DOCK3: variants seen among roughly 807,000 people sequenced by gnomAD.
DOCK3 encodes dedicator of cytokinesis 3.
DOCK3 carries 60 observed loss-of-function variants against 265.6 expected under a neutral mutation model. That is an observed-to-expected ratio of 0.23 (90% CI 0.18 to 0.28). The LOEUF (loss-of-function observed/expected upper bound fraction) is 0.28, where lower values mean the gene tolerates loss of function less well. Among genes scored for constraint, DOCK3 ranks in the 10% least tolerant of loss-of-function variants. DOCK3 has a pLI of 1.00. For missense variants in DOCK3, 1,981 were observed against 2,594.3 expected (o/e 0.76, Z 5.14); for synonymous variants, 881 against 938.0 (o/e 0.94, Z 1.11).
intron 13 of DOCK3, among the ~76,000 whole-genome samples, chr3:51,209,232 T>C (rs112256627): frequency 6.6e-6 from 1 of 152,228 alleles, no homozygotes; most frequent in Non-Finnish European, 1.5e-5. Flanking sequence ...GATATCTATA[T>C]AGATATAGAC....
intron 14 of DOCK3, among the ~76,000 whole-genome samples, chr3:51,222,128 T>C (rs1033675098): frequency 3.9e-5 from 6 of 152,232 alleles, no homozygotes; most frequent in Admixed American, 3.3e-4. Flanking sequence ...ATCCAGGCAC[T>C]GGTATGCAAA....
chr3:50,675,633 A>T lies in DOCK3; in HGVS notation c.37+333A>T, dbSNP rs1005052847. On this transcript the variant is annotated intron_variant, in intron 1 of 52. Transcript: ENST00000266037. The surrounding 1 kb of genome is among the most constrained non-coding windows in gnomAD (Gnocchi z 6.1). ...ACCCGATAAACCAAATTCTGGGAAT[A>T]TGTTTTCTCCCCTCCAAAAGCTCGA... 6.6e-6 allele frequency among the ~76,000 whole-genome samples: 1 copy of T among 152,182 alleles called. No individual in the cohort carries two copies. The highest frequency in any genetic ancestry group is 1.5e-5 in the Non-Finnish European group (1 of 68,024).
chr3:51,236,736 C>A (rs1042217567), intron 20 of DOCK3, among the ~76,000 whole-genome samples: 1 of 152,078 alleles, frequency 6.6e-6, no homozygotes, highest in African/African-American at 2.4e-5. Flanking sequence ...GAGAGTAATA[C>A]AAGAAATCAG....
chr3:50,886,456 G>A (rs2048344326), intron 3 of DOCK3, among the ~76,000 whole-genome samples: 1 of 151,492 alleles, frequency 6.6e-6, no homozygotes, highest in African/African-American at 2.4e-5. Context: ...TGTGCACAAT[G>A]TGCAGGTTAG....
At chr3:50,939,952 G>C (rs569735656) in intron 5 of DOCK3, among the ~76,000 whole-genome samples, 10 of 152,208 alleles carry the variant, frequency 6.6e-5, no homozygotes, top group Non-Finnish European at 1.3e-4. Context: ...CTGCATAGGA[G>C]ATCTCAAGGA....
At chr3:50,720,267 T>C (rs992156918) in intron 1 of DOCK3, among the ~76,000 whole-genome samples, 5 of 152,138 alleles carry the variant, frequency 3.3e-5, no homozygotes, top group Admixed American at 6.6e-5. Context: ...CAATAGGTTG[T>C]TTTCTATTTT....
intron 5 of DOCK3, among the ~76,000 whole-genome samples, chr3:51,007,096 A>G (rs1023904991): frequency 2.6e-5 from 4 of 152,286 alleles, no homozygotes; most frequent in South Asian, 2.1e-4. Flanking sequence ...GTGTGCATGT[A>G]TCTTTATAGT....
chr3:51,325,775 A>C (rs1278883260), intron 32 of DOCK3, among the ~76,000 whole-genome samples: 1 of 152,212 alleles, frequency 6.6e-6, no homozygotes, highest in Non-Finnish European at 1.5e-5. Flanking sequence ...ACATGTATGA[A>C]GCTGGAAACC....
At chr3:50,846,711 G>A (rs2085586) in intron 3 of DOCK3, among the ~76,000 whole-genome samples, 15,085 of 152,074 alleles carry the variant, frequency 0.099, 928 homozygotes, top group Non-Finnish European at 0.13. Context: ...CAGGGTTTCA[G>A]TTTCTTCCTG....
At chr3:51,038,741 C>A (rs1234809395) in intron 5 of DOCK3, among the ~76,000 whole-genome samples, 1 of 152,128 alleles carries the variant, frequency 6.6e-6, no homozygotes, top group Non-Finnish European at 1.5e-5. Context: ...GTTCATGGCA[C>A]ATTATTGTCA....
Position 50,890,050 on chromosome 3 carries a change from C to G in DOCK3, c.187C>G (p.His63Asp). 2 of 1,417,340 alleles carry G rather than the reference C, an allele frequency of 1.4e-6. No homozygotes were observed. Among genetic ancestry groups the G allele is most frequent in the Non-Finnish European group, 1.8e-6 (2 of 1,094,362 alleles). The allele number at this position is 1,417,340 out of a possible 1,614,324, so 87.8% of individuals were successfully genotyped here. A position where few individuals can be genotyped will look rare whatever the true frequency, so the allele number is the denominator to read the frequency against. The change falls in exon 4 of 53, where the codon CAC (histidine) becomes GAC (aspartate). Residue 63 changes from histidine to aspartate, a missense_variant. Physicochemically the swap from His to Asp is moderately conservative, Grantham distance 81 (BLOSUM62 -1). Around this residue, in one of 4 missense-constraint regions of DOCK3, gnomAD observed 456 missense variants for 539.0 expected, o/e 0.85. Coordinates refer to ENST00000266037, the MANE Select transcript of DOCK3 (RefSeq NM_004947.5). ...GGGGATCTTTCCTGCAAATTACATT[C>G]ACTTGAAAAAGGCAATTGTCAGTAA... is the stretch of plus-strand genomic sequence containing the variant. Reference protein sequence around the residue: ...VKGIFPANYIHLKKAIVSNRG... With the variant: ...VKGIFPANYIDLKKAIVSNRG...
At chr3:50,866,891 AG>A (rs1201342693) in intron 3 of DOCK3, among the ~76,000 whole-genome samples, 5 of 152,006 alleles carry the variant, frequency 3.3e-5, no homozygotes, top group African/African-American at 1.2e-4. Flanking sequence ...TCTTTTTCTT[AG>A]GGTAGCTAAG....
intron 3 of DOCK3, among the ~76,000 whole-genome samples, chr3:50,866,807 A>G (rs1348536990): frequency 6.6e-6 from 1 of 152,110 alleles, no homozygotes; most frequent in Non-Finnish European, 1.5e-5. Flanking sequence ...ATTTATGCCA[A>G]TACCATGCTC....
At chr3:51,008,850 G>A (rs1262006311) in intron 5 of DOCK3, among the ~76,000 whole-genome samples, 1 of 152,148 alleles carries the variant, frequency 6.6e-6, no homozygotes, top group African/African-American at 2.4e-5. Context: ...TTTGTCAAAG[G>A]CCTTTTCTGC....
At chr3:51,084,471 ATT>A (rs2082351860) in intron 7 of DOCK3, among the ~76,000 whole-genome samples, 1 of 152,144 alleles carries the variant, frequency 6.6e-6, no homozygotes, top group South Asian at 2.1e-4. Flanking sequence ...CATGAGGGGA[ATT>A]GTCAGCCAAG....
intron 4 of DOCK3, among the ~76,000 whole-genome samples, chr3:50,923,306 A>G (rs968292918): frequency 1.3e-5 from 2 of 152,184 alleles, no homozygotes; most frequent in Non-Finnish European, 2.9e-5. Context: ...TGGTGGATCA[A>G]TGGTAGTTCT....
At chr3:51,231,761 A>T (rs746649002) in intron 19 of DOCK3, among the ~76,000 whole-genome samples, 108 of 152,172 alleles carry the variant, frequency 7.1e-4, no homozygotes, top group Non-Finnish European at 2.9e-4. Context: ...TCTTTAGTTT[A>T]ATTAAAGTCA....
chr3:51,137,595 C>T (rs1190105621), intron 9 of DOCK3, among the ~76,000 whole-genome samples: 1 of 152,120 alleles, frequency 6.6e-6, no homozygotes, highest in African/African-American at 2.4e-5. Flanking sequence ...CAGTGCCATC[C>T]AAGAATTACA....
At chr3:51,193,799 CTCT>C (rs1366169178) in intron 12 of DOCK3, among the ~76,000 whole-genome samples, 2 of 51,036 alleles carry the variant, frequency 3.9e-5, no homozygotes, top group Non-Finnish European at 7.1e-5. Context: ...GGGGGCTTCT[CTCT>C]TTTTTTTTTT....
Sources: allele counts gnomAD v4.1 joint callset (sites outside exome capture counted in the v4.1 genomes callset), GRCh38; gene constraint gnomAD v4.1.1; regional missense constraint gnomAD v4.1.1; non-coding constraint Gnocchi (gnomAD v3.1); transcripts MANE v1.5; gene names NCBI Gene and HGNC (gene_info 2026-07-23, HGNC 2026-07-21).